Variants in NCAM2 observed in about 807,000 individuals in gnomAD.
NCAM2 encodes neural cell adhesion molecule 2, also known as N-CAM-2.
In NCAM2, 30 loss-of-function variants were observed where a neutral mutation model predicts 98.1. The ratio of observed to expected loss-of-function variants is 0.31; its 90% confidence interval spans 0.23 to 0.41. NCAM2 has a LOEUF of 0.41. NCAM2 is among the 10% of genes least tolerant of loss of function. NCAM2 has a pLI of 1.00. For synonymous variants in NCAM2, 368 were observed against 342.4 expected, an observed-to-expected ratio of 1.07 and a Z score of -0.83; for missense variants, 867 against 1,005.8, an observed-to-expected ratio of 0.86 and a Z score of 1.87.
At chr21:21,064,259 T>C (rs2146338871) in intron 1 of NCAM2, among the ~76,000 whole-genome samples, 1 of 152,320 alleles carries the variant, frequency 6.6e-6, no homozygotes, top group South Asian at 2.1e-4. Flanking sequence ...CAAAACCCTC[T>C]AACTTTAGAG....
chr21:21,491,217 A>G (rs2146308020), intron 15 of NCAM2, among the ~76,000 whole-genome samples: 1 of 151,918 alleles, frequency 6.6e-6, no homozygotes, highest in South Asian at 2.1e-4. Context: ...TTCCATTGTA[A>G]ACTTGTTCTA....
intron 10 of NCAM2, among the ~76,000 whole-genome samples, chr21:21,414,949 C>CTT (rs34233053): frequency 0.014 from 2,123 of 147,114 alleles, 34 homozygotes; most frequent in Admixed American, 0.037. Context: ...TGAAGGGAAT[C>CTT]TTTTTTTTTT....
chr21:21,286,962 C>T (rs1373486), intron 4 of NCAM2, among the ~76,000 whole-genome samples: 65,678 of 151,610 alleles, frequency 0.43, 15,279 homozygotes, highest in Non-Finnish European at 0.53. Flanking sequence ...TGGGGCAGTA[C>T]GTTCAAGGTT....
chr21:21,437,877 T>C (rs1484515216), intron 12 of NCAM2, among the ~76,000 whole-genome samples: 1 of 151,422 alleles, frequency 6.6e-6, no homozygotes, highest in African/African-American at 2.4e-5. Context: ...GGAGAAGATA[T>C]TGTTGAAAAT....
chr21:21,463,549 CTGT>C (rs1335759053), intron 12 of NCAM2, among the ~76,000 whole-genome samples: 7 of 152,056 alleles, frequency 4.6e-5, no homozygotes, highest in African/African-American at 1.2e-4. Flanking sequence ...TAGCCCAGGA[CTGT>C]AATAACAGTT....
chr21:21,139,918 C>T (rs2067132024), intron 1 of NCAM2, among the ~76,000 whole-genome samples: 1 of 151,890 alleles, frequency 6.6e-6, no homozygotes, highest in Non-Finnish European at 1.5e-5. Flanking sequence ...ACATATTTGC[C>T]TTGTTGGAAA....
At chr21:21,488,924 C>T (rs549104251) in intron 15 of NCAM2, among the ~76,000 whole-genome samples, 4 of 152,066 alleles carry the variant, frequency 2.6e-5, no homozygotes, top group South Asian at 4.2e-4. Flanking sequence ...ATGTAACATC[C>T]TTTAAATGAT....
intron 1 of NCAM2, among the ~76,000 whole-genome samples, chr21:21,206,804 G>A (rs2069454144): frequency 6.6e-6 from 1 of 152,114 alleles, no homozygotes; most frequent in African/African-American, 2.4e-5. Flanking sequence ...ATGAATGCAT[G>A]CATGTATTCA....
chr21:21,110,147 A>T (rs544139483), intron 1 of NCAM2, among the ~76,000 whole-genome samples: 1 of 152,212 alleles, frequency 6.6e-6, no homozygotes, highest in Non-Finnish European at 1.5e-5. Flanking sequence ...ACTTACATAC[A>T]GAGGGCTTCA....
At chr21:21,362,612 A>C (rs1410019579) in intron 8 of NCAM2, among the ~76,000 whole-genome samples, 3 of 152,142 alleles carry the variant, frequency 2.0e-5, no homozygotes, top group Non-Finnish European at 4.4e-5. Flanking sequence ...TTTCCTCCAT[A>C]AATCCTAGGG....
chr21:21,433,838 G>A (rs2077407647), intron 12 of NCAM2, among the ~76,000 whole-genome samples: 1 of 151,344 alleles, frequency 6.6e-6, no homozygotes, highest in Admixed American at 6.6e-5. Flanking sequence ...GTGAAAAACA[G>A]AAGGAAAAAA....
chr21:21,034,579 T>A (rs1195567399), intron 1 of NCAM2, among the ~76,000 whole-genome samples: 1 of 152,192 alleles, frequency 6.6e-6, no homozygotes, highest in Non-Finnish European at 1.5e-5. Flanking sequence ...TTTCTAATGA[T>A]TTTAAATCAG....
intron 12 of NCAM2, among the ~76,000 whole-genome samples, chr21:21,443,752 C>G (rs1483316632): frequency 3.3e-5 from 5 of 152,134 alleles, no homozygotes; most frequent in Non-Finnish European, 7.3e-5. Flanking sequence ...CTCAGAGGTT[C>G]AAGGTCATTG....
rs372675086 is a variant in NCAM2, at chr21:21,031,828, A to ACACT, written c.55+33211_55+33212insACTC. Among the ~76,000 whole-genome samples, 280 of 141,260 alleles carry ACACT rather than the reference A, an allele frequency of 2.0e-3. 2 individuals carry two copies. The highest frequency in any genetic ancestry group is 6.9e-3 in the African/African-American group (267 of 38,820). The allele number at this position is 141,260 out of a possible 152,430, so 92.7% of individuals were successfully genotyped here. ...CTCTTATACACACACACACACACAC[A>ACACT]CTCACACACACGTGTGCTTGTGCAA... On this transcript the variant is annotated intron_variant, in intron 1 of 17. Transcript: ENST00000400546.
intron 15 of NCAM2, among the ~76,000 whole-genome samples, chr21:21,480,583 A>G (rs545102053): frequency 6.6e-6 from 1 of 152,210 alleles, no homozygotes; most frequent in Non-Finnish European, 1.5e-5. Flanking sequence ...AAGGTCAGAG[A>G]GGGAATGCAA....
intron 9 of NCAM2, among the ~76,000 whole-genome samples, chr21:21,401,778 C>A (rs767141608): frequency 1.1e-4 from 17 of 152,126 alleles, no homozygotes; most frequent in Admixed American, 5.2e-4. Context: ...ATCTTTTCTA[C>A]ATACTAATTG....
At chr21:21,079,899 A>G (rs2065756522) in intron 1 of NCAM2, among the ~76,000 whole-genome samples, 1 of 152,132 alleles carries the variant, frequency 6.6e-6, no homozygotes, top group South Asian at 2.1e-4. Context: ...TTCTAACTTT[A>G]TCCATTTTCT....
At chr21:21,315,707 C>G (rs1189690152) in intron 5 of NCAM2, among the ~76,000 whole-genome samples, 1 of 152,114 alleles carries the variant, frequency 6.6e-6, no homozygotes, top group African/African-American at 2.4e-5. Context: ...TTTTGTGATG[C>G]CTTCAATCCA....
At chr21:21,006,121 T>A (rs1378365986) in intron 1 of NCAM2, among the ~76,000 whole-genome samples, 2 of 152,166 alleles carry the variant, frequency 1.3e-5, no homozygotes, top group African/African-American at 4.8e-5. Context: ...TATGATTCGG[T>A]CTTTTTTGCT....
Sources: gnomAD v4.1 joint callset for allele counts (sites outside exome capture counted in the v4.1 genomes callset) on GRCh38, gnomAD v4.1.1 for gene constraint, MANE v1.5 for transcripts, NCBI Gene and HGNC (gene_info 2026-07-23, HGNC 2026-07-21) for gene names.